MACF1: variants seen among roughly 807,000 people sequenced by gnomAD.
MACF1 encodes microtubule actin crosslinking factor 1, also known as microtubule-actin cross-linking factor 1.
Under a neutral mutation model 854.8 loss-of-function variants are expected in MACF1, and 193 were observed. The ratio of observed to expected loss-of-function variants is 0.23; its 90% CI spans 0.20 to 0.25. The LOEUF (loss-of-function observed/expected upper bound fraction) is 0.25, where lower values mean the gene tolerates loss of function less well. Ranked by LOEUF, MACF1 falls within the 10% of genes least tolerant of loss-of-function variation. The probability of loss-of-function intolerance (pLI) is 1.00; values close to 1 mark genes in which losing one functional copy is unlikely to be tolerated. For missense variants in MACF1, 7,722 were observed against 8,929.1 expected (o/e 0.86, Z 5.45); for synonymous variants, 3,185 against 3,226.7 (o/e 0.99, Z 0.44).
At chr1:39,243,161 A>G (rs1372139077) in intron 2 of MACF1, among the ~76,000 whole-genome samples, 1 of 152,068 alleles carries the variant, frequency 6.6e-6, no homozygotes, top group African/African-American at 2.4e-5. Context: ...TGCGGTTTTG[A>G]TTTATGTTTT....
intron 58 of MACF1, among the ~76,000 whole-genome samples, chr1:39,392,204 T>G (rs1345440991): frequency 6.6e-6 from 1 of 152,184 alleles, no homozygotes; most frequent in Non-Finnish European, 1.5e-5. Context: ...GCTGAACTCA[T>G]GCTGAGCTCA....
chr1:39,282,130 C>A, intron 6 of MACF1, 78 bp from the exon 7 acceptor site: 1 of 1,478,674 alleles, frequency 6.8e-7, no homozygotes, highest in South Asian at 1.3e-5. Flanking sequence ...TACTAAGAGC[C>A]ATAATGTATG....
At chr1:39,290,644 C>A (rs974839967) in intron 15 of MACF1, among the ~76,000 whole-genome samples, 4 of 110,734 alleles carry the variant, frequency 3.6e-5, no homozygotes, top group Admixed American at 1.8e-4. Context: ...GTTTATTCTT[C>A]GTTTTTCATT....
intron 6 of MACF1, among the ~76,000 whole-genome samples, chr1:39,281,718 C>T (rs964980285): frequency 6.6e-6 from 1 of 152,152 alleles, no homozygotes; most frequent in African/African-American, 2.4e-5. Context: ...TATAATTGTG[C>T]TATGATTTAT....
chr1:39,160,521 T>C (rs540557288), intron 2 of MACF1, among the ~76,000 whole-genome samples: 3 of 152,362 alleles, frequency 2.0e-5, no homozygotes, highest in South Asian at 2.1e-4. Flanking sequence ...CATTCACTTA[T>C]ATACACTGTA....
At chr1:39,253,777 A>C (rs1176836016) in intron 4 of MACF1, among the ~76,000 whole-genome samples, 1 of 152,154 alleles carries the variant, frequency 6.6e-6, no homozygotes, top group African/African-American at 2.4e-5. Flanking sequence ...CGGCCTCCCA[A>C]AGTGTTGGAA....
At chr1:39,328,476 A>C (rs548606850) in intron 36 of MACF1, 2 of 152,330 alleles carry the variant, frequency 1.3e-5, no homozygotes, top group East Asian at 3.9e-4. Flanking sequence ...TTTCATGTGA[A>C]GTATTGTTCT....
intron 2 of MACF1, among the ~76,000 whole-genome samples, chr1:39,182,014 G>A (rs2148234816): frequency 6.6e-6 from 1 of 152,166 alleles, no homozygotes; most frequent in African/African-American, 2.4e-5. Flanking sequence ...AGCTGGATGT[G>A]GTGGCGGGCA....
intron 50 of MACF1, among the ~76,000 whole-genome samples, chr1:39,369,365 G>A (rs922243543): frequency 6.6e-6 from 1 of 152,192 alleles, no homozygotes; most frequent in African/African-American, 2.4e-5. Context: ...CTGCCTTAGT[G>A]ATTAGAAGAA....
chr1:39,356,157 C>G (rs1647544751), intron 44 of MACF1, among the ~76,000 whole-genome samples: 1 of 152,122 alleles, frequency 6.6e-6, no homozygotes, highest in African/African-American at 2.4e-5. Flanking sequence ...AACAAAAACT[C>G]ACAGCTCTCC....
At chr1:39,165,623 T>C (rs1487238400) in intron 2 of MACF1, among the ~76,000 whole-genome samples, 2 of 152,246 alleles carry the variant, frequency 1.3e-5, no homozygotes, top group Admixed American at 6.5e-5. Context: ...TTTTGTTTTC[T>C]TGTCATGTAG....
chr1:39,413,700 C>A, intron 58 of MACF1: 1 of 1,607,396 alleles, frequency 6.2e-7, no homozygotes, highest in South Asian at 1.1e-5. Flanking sequence ...AGCCTGCCTT[C>A]CCAGCTCCTG....
intron 90 of MACF1, 109 bp from the exon 91 acceptor site, chr1:39,458,977 C>T: frequency 2.0e-6 from 2 of 979,050 alleles, no homozygotes; most frequent in South Asian, 1.7e-5. Context: ...TTTCTTTTCT[C>T]AGTTATTGAC....
intron 36 of MACF1, chr1:39,328,749 A>G (rs999743014): frequency 6.6e-6 from 1 of 152,194 alleles, no homozygotes; most frequent in African/African-American, 2.4e-5. Context: ...CTCTCCTTCT[A>G]TCTCTTAATG....
In MACF1 at chr1:39,463,209, G is replaced by A. The variant is rs549746184; in HGVS notation, c.21679-403G>A. Among the ~76,000 whole-genome samples the A allele has an allele frequency of 7.8e-4, 119 of 152,256 alleles. 5 individuals carry two copies. In the South Asian group the frequency reaches 0.022, roughly 28 times the overall value. On this transcript the variant is annotated intron_variant, in intron 93 of 100. Coordinates refer to ENST00000564288, the MANE Select transcript of MACF1 (RefSeq NM_001394062.1). ...ATGCCTAAAAAGTAAATAATGAGCT[G>A]TGCGTGGTGGCTCACGCCTGTAATC...
chr1:39,415,205 T>A (rs1478755879), intron 58 of MACF1, among the ~76,000 whole-genome samples: 1 of 152,350 alleles, frequency 6.6e-6, no homozygotes. Context: ...ATTTTAGTCA[T>A]CTTTGTCAAA....
chr1:39,466,122 A>G (rs905766816), intron 95 of MACF1, among the ~76,000 whole-genome samples: 2 of 152,196 alleles, frequency 1.3e-5, no homozygotes, highest in Non-Finnish European at 2.9e-5. Flanking sequence ...CTCAAAGATC[A>G]CATGCCTACT....
At chr1:39,371,700 T>A (rs1649257967) in intron 51 of MACF1, among the ~76,000 whole-genome samples, 2 of 152,166 alleles carry the variant, frequency 1.3e-5, no homozygotes, top group Non-Finnish European at 2.9e-5. Context: ...ATTCTATGTA[T>A]TTTTCTGTAT....
chr1:39,216,689 T>TA (rs1553168254), intron 1 of MACF1, among the ~76,000 whole-genome samples: 2 of 151,622 alleles, frequency 1.3e-5, no homozygotes, highest in South Asian at 2.1e-4. Flanking sequence ...TTTTTTTTTT[T>TA]ATCTTTCCTG....
Sources: allele counts gnomAD v4.1 joint callset (sites outside exome capture counted in the v4.1 genomes callset), GRCh38; gene constraint gnomAD v4.1.1; transcripts MANE v1.5; gene names NCBI Gene and HGNC (gene_info 2026-07-23, HGNC 2026-07-21).